NTM: variants seen among roughly 807,000 people sequenced by gnomAD.
The protein encoded by NTM is neurotrimin, also known as IgLON family member 2.
NTM carries 13 observed loss-of-function variants against 42.1 expected under a neutral mutation model. That is an observed-to-expected ratio of 0.31 (90% CI 0.20 to 0.49). NTM has a LOEUF of 0.49. NTM is among the 20% of genes least tolerant of loss of function. The pLI is 0.99. For synonymous variants in NTM, 187 were observed against 179.2 expected, an observed-to-expected ratio of 1.04 and a Z score of -0.35; for missense variants, 373 against 452.8, an observed-to-expected ratio of 0.82 and a Z score of 1.60.
intron 1 of NTM, among the ~76,000 whole-genome samples, chr11:131,822,944 CCTTT>C (rs765639625): frequency 2.7e-4 from 41 of 152,072 alleles, no homozygotes; most frequent in Non-Finnish European, 5.0e-4. Context: ...TTTTTTCCTT[CCTTT>C]CTTTCTTCCT....
chr11:131,916,083 A>G (rs1255731778), intron 2 of NTM, among the ~76,000 whole-genome samples: 2 of 152,218 alleles, frequency 1.3e-5, no homozygotes, highest in South Asian at 2.1e-4. Flanking sequence ...GGCAGAGTAC[A>G]CCATGAAAAC....
intron 1 of NTM, among the ~76,000 whole-genome samples, chr11:131,469,300 A>T (rs1359427877): frequency 6.6e-6 from 1 of 152,232 alleles, no homozygotes; most frequent in Non-Finnish European, 1.5e-5. Flanking sequence ...AGGGTTTTAC[A>T]TATATTATCT....
chr11:131,635,359 T>G (rs2064223712), intron 1 of NTM, among the ~76,000 whole-genome samples: 1 of 152,200 alleles, frequency 6.6e-6, no homozygotes, highest in Non-Finnish European at 1.5e-5. Context: ...ACAGTGATAT[T>G]GATGATCCTG....
At chr11:132,235,635 C>A (rs574220794) in intron 4 of NTM, among the ~76,000 whole-genome samples, 1 of 152,266 alleles carries the variant, frequency 6.6e-6, no homozygotes, top group Non-Finnish European at 1.5e-5. Flanking sequence ...TGAGGTAATG[C>A]AGGCTGAGCC....
chr11:131,433,033 C>T (rs11222613), intron 1 of NTM, among the ~76,000 whole-genome samples: 146,412 of 151,288 alleles, frequency 0.97, 70,882 homozygotes, highest in East Asian at 1. Context: ...TTTTTGTATT[C>T]TTTTTAGTAG....
intron 2 of NTM, among the ~76,000 whole-genome samples, chr11:132,084,697 A>G (rs1350241239): frequency 6.6e-6 from 1 of 152,240 alleles, no homozygotes; most frequent in Non-Finnish European, 1.5e-5. Flanking sequence ...TTTACTCATT[A>G]AGAGGAAATA....
intron 2 of NTM, among the ~76,000 whole-genome samples, chr11:131,931,050 G>A (rs185186191): frequency 1.8e-4 from 28 of 152,258 alleles, no homozygotes; most frequent in African/African-American, 4.6e-4. Flanking sequence ...ACGTTTCTGC[G>A]TAGTGGAATT....
chr11:131,543,539 G>C (rs2053551540), intron 1 of NTM, among the ~76,000 whole-genome samples: 2 of 152,196 alleles, frequency 1.3e-5, no homozygotes, highest in South Asian at 4.1e-4. Flanking sequence ...GCTACAACCA[G>C]CACCAGAGGA....
chr11:131,823,631 TATAGAC>T (rs141527835), intron 1 of NTM, among the ~76,000 whole-genome samples: 3,805 of 152,266 alleles, frequency 0.025, 141 homozygotes, highest in African/African-American at 0.085. Context: ...AAAAAGGAAA[TATAGAC>T]ATAGAAATGA....
At chr11:132,043,637 C>A (rs867243224) in intron 2 of NTM, among the ~76,000 whole-genome samples, 1 of 152,172 alleles carries the variant, frequency 6.6e-6, no homozygotes, top group African/African-American at 2.4e-5. Flanking sequence ...TGGCTCTTGG[C>A]CACTGCTTCT....
chr11:131,597,524 C>G (rs150539010), intron 1 of NTM, among the ~76,000 whole-genome samples: 1 of 152,158 alleles, frequency 6.6e-6, no homozygotes, highest in South Asian at 2.1e-4. Context: ...TTATCCTACC[C>G]GGACATATCA....
chr11:132,163,388 C>T (rs568411031), intron 3 of NTM, among the ~76,000 whole-genome samples: 1 of 152,192 alleles, frequency 6.6e-6, no homozygotes, highest in Non-Finnish European at 1.5e-5. Flanking sequence ...CAGTAGCAGG[C>T]AGGTTTCATC....
chr11:131,411,424 C>T (rs144669863), intron 1 of NTM, among the ~76,000 whole-genome samples: 281 of 152,174 alleles, frequency 1.8e-3, no homozygotes, highest in Non-Finnish European at 3.1e-3. Context: ...ACCCTCAACA[C>T]TCAAAGGTAA....
At chr11:132,145,988 C>T (rs531731713) in intron 2 of NTM, among the ~76,000 whole-genome samples, 5 of 152,160 alleles carry the variant, frequency 3.3e-5, no homozygotes, top group Non-Finnish European at 7.3e-5. Flanking sequence ...TGGTAGTATT[C>T]GAAGTATCCA....
intron 5 of NTM, 188 bp from the exon 6 acceptor site, chr11:132,309,924 C>T (rs189407202): frequency 2.5e-4 from 72 of 293,876 alleles, no homozygotes; most frequent in Admixed American, 5.8e-4. Flanking sequence ...GGCATGGTGC[C>T]GTGCACCTGT....
intron 8 of NTM, among the ~76,000 whole-genome samples, 161 bp downstream of exon 8, chr11:132,330,346 C>A (rs558356224): frequency 6.6e-6 from 1 of 152,314 alleles, no homozygotes; most frequent in South Asian, 2.1e-4. Flanking sequence ...TTTAGATTAA[C>A]CCCATCCTCA....
chr11:131,811,943 G>T (rs181149054), intron 1 of NTM, among the ~76,000 whole-genome samples: 1 of 152,252 alleles, frequency 6.6e-6, no homozygotes, highest in Admixed American at 6.5e-5. Flanking sequence ...TCACCATACC[G>T]TTCCTGGATC....
At chr11:131,381,555 A>G (rs1167347130) in intron 1 of NTM, among the ~76,000 whole-genome samples, 1 of 151,808 alleles carries the variant, frequency 6.6e-6, no homozygotes, top group East Asian at 1.9e-4. Context: ...TTTTTCCGTT[A>G]TTTTTTCATA....
intron 1 of NTM, among the ~76,000 whole-genome samples, chr11:131,541,227 CAG>C (rs1240583742): frequency 6.6e-6 from 1 of 152,184 alleles, no homozygotes; most frequent in Non-Finnish European, 1.5e-5. Flanking sequence ...CTTAAAGTGA[CAG>C]AGAACCATCC....
Sources: allele counts gnomAD v4.1 joint callset (sites outside exome capture counted in the v4.1 genomes callset), GRCh38; gene constraint gnomAD v4.1.1; transcripts MANE v1.5; gene names NCBI Gene and HGNC (gene_info 2026-07-23, HGNC 2026-07-21).